Variants in GUCY1A1 observed in about 807,000 individuals in gnomAD.
GUCY1A1 encodes the protein guanylate cyclase 1 soluble subunit alpha 1.
In GUCY1A1, 48 loss-of-function variants were observed where a neutral mutation model predicts 64.5. The ratio of observed to expected loss-of-function variants is 0.74; its 90% CI spans 0.59 to 0.95. The LOEUF is 0.95. Ranked by LOEUF, GUCY1A1 falls within the 40% of genes least tolerant of loss-of-function variation. The pLI is 0.00. For synonymous variants in GUCY1A1, 308 were observed against 303.4 expected, an observed-to-expected ratio of 1.02 and a Z score of -0.16; for missense variants, 804 against 825.3, an observed-to-expected ratio of 0.97 and a Z score of 0.32.
intron 2 of GUCY1A1, among the ~76,000 whole-genome samples, chr4:155,684,051 A>G (rs1462708550): frequency 2.0e-5 from 3 of 152,088 alleles, no homozygotes; most frequent in Non-Finnish European, 4.4e-5. Flanking sequence ...AATAATCTCT[A>G]ACTCCTCTTC....
intron 2 of GUCY1A1, among the ~76,000 whole-genome samples, chr4:155,672,422 C>T (rs1305710350): frequency 6.6e-6 from 1 of 152,126 alleles, no homozygotes; most frequent in Non-Finnish European, 1.5e-5. Context: ...GCTGTTCAAC[C>T]AGTTATATAG....
chr4:155,702,640 A>G (rs535364594), intron 3 of GUCY1A1, among the ~76,000 whole-genome samples: 17 of 152,278 alleles, frequency 1.1e-4, no homozygotes, highest in African/African-American at 3.9e-4. Flanking sequence ...CTATATCTGA[A>G]CAGTCTGAAA....
chr4:155,696,206 CTTCATTGAACTTTTT>C (rs752510020), intron 2 of GUCY1A1, among the ~76,000 whole-genome samples: 74 of 152,158 alleles, frequency 4.9e-4, no homozygotes, highest in Non-Finnish European at 9.4e-4. Flanking sequence ...CCATAATCAT[CTTCATTGAACTTTTT>C]TTCATTGAAC....
chr4:155,708,284 A>G lies in GUCY1A1; in HGVS notation c.366A>G (p.Ala122=), dbSNP rs75832628. The G allele has an allele frequency of 8.0e-4, 1,233 of 1,537,122 alleles. 9 individuals carry two copies. In the African/African-American group the frequency reaches 0.014, roughly 18 times the overall value. ...TTGAAAAAACAATTGCAGAGCAAGC[A>G]GTTGCAGCAGGTAATAGAATTGTTT... ...EDFEKTIAEQ[A]VAAGVPVEVI... is the part of the protein sequence containing the mutation. Residue 122 remains alanine (A), a synonymous_variant, in exon 5 of 10, where the codon GCA becomes GCG. Coordinates refer to ENST00000506455, the MANE Select transcript of GUCY1A1 (RefSeq NM_001130682.3).
intron 2 of GUCY1A1, among the ~76,000 whole-genome samples, chr4:155,682,710 G>A (rs1479698009): frequency 6.6e-6 from 1 of 151,458 alleles, no homozygotes; most frequent in African/African-American, 2.4e-5. Flanking sequence ...GTGTGTGTGT[G>A]TGTGTGTGTG....
At chr4:155,703,087 A>G (rs1270970793) in intron 3 of GUCY1A1, among the ~76,000 whole-genome samples, 4 of 152,160 alleles carry the variant, frequency 2.6e-5, no homozygotes, top group South Asian at 2.1e-4. Context: ...CTGCTTATCA[A>G]TGCTCTACTT....
chr4:155,687,195 CA>C (rs773056140), intron 2 of GUCY1A1, among the ~76,000 whole-genome samples: 9 of 152,168 alleles, frequency 5.9e-5, no homozygotes, highest in Non-Finnish European at 1.2e-4. Context: ...ATGCAATGAG[CA>C]TTTACATTTG....
intron 7 of GUCY1A1, among the ~76,000 whole-genome samples, chr4:155,715,684 C>T (rs576656885): frequency 1.1e-4 from 17 of 152,212 alleles, no homozygotes; most frequent in African/African-American, 3.9e-4. Context: ...TTATTGAGCA[C>T]CTGTGATGGC....
intron 9 of GUCY1A1, 56 bp from the exon 10 acceptor site, chr4:155,729,974 G>A: frequency 1.9e-6 from 2 of 1,076,380 alleles, no homozygotes; most frequent in South Asian, 2.6e-5. Flanking sequence ...GTTATGTTGT[G>A]TTCTTTTTTT....
intron 3 of GUCY1A1, among the ~76,000 whole-genome samples, chr4:155,698,890 T>C (rs1414535303): frequency 6.6e-6 from 1 of 152,202 alleles, no homozygotes; most frequent in Non-Finnish European, 1.5e-5. Context: ...CCAGAATTTT[T>C]ACTTGGCTCT....
At position 155,736,554 on chromosome 4, in the gene GUCY1A1, G is replaced by A. The variant is rs1015306005; in HGVS notation, c.*6323G>A. ...TTAGAGAGAAAAAATAGTAAATAAT[G>A]TTCAAAATGAGAAGACAATAACTGA... On this transcript the variant is annotated 3_prime_UTR_variant, in exon 10 of 10. Coordinates refer to ENST00000506455, the MANE Select transcript of GUCY1A1 (RefSeq NM_001130682.3). 2 of 151,930 alleles carry A rather than the reference G, an allele frequency of 1.3e-5. No individual in the cohort carries two copies. The highest frequency in any genetic ancestry group is 2.9e-5 in the Non-Finnish European group (2 of 67,930). 9.4% of individuals were successfully genotyped at this position (151,930 alleles called of 1,614,324 possible). A position where few individuals can be genotyped will look rare whatever the true frequency, so the allele number is the denominator to read the frequency against.
rs987250257 is a variant in GUCY1A1, at chr4:155,731,944, G to A, written c.*1713G>A. ...ACCACTCAGCCTATTATTGGAAAGT[G>A]CCATAGGCCTTGAGAAAGTATAGTT... On this transcript the variant is annotated 3_prime_UTR_variant, in exon 10 of 10. Transcript: ENST00000506455. 3.3e-5 allele frequency: 5 copies of A among 151,736 alleles called. No individual in the cohort carries two copies. The highest frequency in any genetic ancestry group is 1.2e-4 in the African/African-American group (5 of 41,370). 9.4% of individuals were successfully genotyped at this position (151,736 alleles called of 1,614,324 possible). A position where few individuals can be genotyped will look rare whatever the true frequency, so the allele number is the denominator to read the frequency against.
At chr4:155,680,965 A>G (rs1478767672) in intron 2 of GUCY1A1, among the ~76,000 whole-genome samples, 2 of 150,312 alleles carry the variant, frequency 1.3e-5, no homozygotes, top group South Asian at 2.1e-4. Context: ...ACACACACAC[A>G]TGCACACACA....
Position 155,730,273 on chromosome 4 carries a change from T to C in GUCY1A1, c.*42T>C. ...TTATAAGTCTTTGGGGTTTGACTCA[T>C]TGAAGATGTGTAGAGCCTCTGAAAG... is the stretch of plus-strand genomic sequence containing the variant. On this transcript the variant is annotated 3_prime_UTR_variant, in exon 10 of 10. Coordinates refer to ENST00000506455, the MANE Select transcript of GUCY1A1 (RefSeq NM_001130682.3). The C allele has an allele frequency of 1.5e-6, 2 of 1,306,660 alleles. No homozygotes were observed. Among genetic ancestry groups the C allele is most frequent in the South Asian group, 1.2e-5 (1 of 84,136 alleles). 80.9% of individuals were successfully genotyped at this position (1,306,660 alleles called of 1,614,324 possible). A position where few individuals can be genotyped will look rare whatever the true frequency, so the allele number is the denominator to read the frequency against.
intron 2 of GUCY1A1, among the ~76,000 whole-genome samples, chr4:155,692,491 T>C (rs1181663792): frequency 1.3e-5 from 2 of 152,248 alleles, no homozygotes; most frequent in African/African-American, 4.8e-5. Context: ...ATAATAGCCA[T>C]TCTGACTGGT....
chr4:155,726,677 T>C (rs1734721809), intron 9 of GUCY1A1, among the ~76,000 whole-genome samples: 2 of 152,066 alleles, frequency 1.3e-5, no homozygotes, highest in Admixed American at 1.3e-4. Context: ...TTCCAAATTC[T>C]AATCAGTGAT....
At chr4:155,721,355 C>G (rs1446882938) in intron 8 of GUCY1A1, among the ~76,000 whole-genome samples, 1 of 152,102 alleles carries the variant, frequency 6.6e-6, no homozygotes, top group African/African-American at 2.4e-5. Flanking sequence ...ACAACACATC[C>G]CAGACTGCCT....
chr4:155,677,687 A>G (rs887641891), intron 2 of GUCY1A1, among the ~76,000 whole-genome samples: 1 of 151,986 alleles, frequency 6.6e-6, no homozygotes, highest in Non-Finnish European at 1.5e-5. Flanking sequence ...CCCCATCTCT[A>G]TGAAAAATAC....
chr4:155,676,230 G>T (rs1734907356), intron 2 of GUCY1A1, among the ~76,000 whole-genome samples: 1 of 150,552 alleles, frequency 6.6e-6, no homozygotes, highest in Non-Finnish European at 1.5e-5. Flanking sequence ...GGGTGTATTG[G>T]GCAACAATAC....
Sources: gnomAD v4.1 joint callset for allele counts (sites outside exome capture counted in the v4.1 genomes callset) on GRCh38, gnomAD v4.1.1 for gene constraint, MANE v1.5 for transcripts, NCBI Gene and HGNC (gene_info 2026-07-23, HGNC 2026-07-21) for gene names.